The following MAN1C1 variants were observed in gnomAD, a reference collection of about 807,000 sequenced individuals.
MAN1C1 encodes the protein mannosyl-oligosaccharide 1,2-alpha-mannosidase IC.
MAN1C1 carries 49 observed loss-of-function variants against 71.5 expected under a neutral mutation model. The observed-to-expected ratio is 0.69, with a 90% CI of 0.54 to 0.87. The LOEUF is 0.87. MAN1C1 is among the 40% of genes least tolerant of loss of function. The probability of loss-of-function intolerance (pLI) is 0.00; values close to 1 mark genes in which losing one functional copy is unlikely to be tolerated. For missense variants in MAN1C1, 743 were observed against 835.0 expected (o/e 0.89, Z 1.36); for synonymous variants, 352 against 343.7 (o/e 1.02, Z -0.27).
intron 2 of MAN1C1, among the ~76,000 whole-genome samples, chr1:25,737,878 T>A (rs1415983825): frequency 6.6e-6 from 1 of 151,424 alleles, no homozygotes; most frequent in African/African-American, 2.4e-5. Flanking sequence ...CGCCAGGGAG[T>A]CTGAGGAGCT....
chr1:25,626,875 G>T (rs1486434959), intron 1 of MAN1C1, among the ~76,000 whole-genome samples: 4 of 152,144 alleles, frequency 2.6e-5, no homozygotes, highest in Admixed American at 2.6e-4. Context: ...TCAAAGAGCA[G>T]AAGTTTTAAT....
rs147551719 is a variant in MAN1C1, at chr1:25,688,062, A to T, written c.637+1526A>T. ...GTATGGATATGCCATAATTCATTTA[A>T]CTATCTTGCTAATGTTGGGTAAAGA... On this transcript the variant is annotated intron_variant, in intron 2 of 11. Coordinates refer to ENST00000374332, the MANE Select transcript of MAN1C1 (RefSeq NM_020379.4). Among the ~76,000 whole-genome samples, 662 of 152,300 alleles carry T rather than the reference A, an allele frequency of 4.3e-3. 7 individuals are homozygous for T. Among genetic ancestry groups the T allele is most frequent in the African/African-American group, 0.015 (625 of 41,542 alleles).
At chr1:25,718,306 T>TTCA (rs1399681110) in intron 2 of MAN1C1, among the ~76,000 whole-genome samples, 2 of 152,192 alleles carry the variant, frequency 1.3e-5, no homozygotes, top group African/African-American at 4.8e-5. Flanking sequence ...GTACGTCAGC[T>TTCA]TCATCCTCTT....
chr1:25,705,990 A>T (rs2046516536), intron 2 of MAN1C1, among the ~76,000 whole-genome samples: 1 of 152,232 alleles, frequency 6.6e-6, no homozygotes, highest in African/African-American at 2.4e-5. Context: ...ACATGATTCT[A>T]TACAGAAATA....
chr1:25,650,625 C>A (rs1327824129), intron 1 of MAN1C1, among the ~76,000 whole-genome samples: 1 of 152,206 alleles, frequency 6.6e-6, no homozygotes, highest in Non-Finnish European at 1.5e-5. Context: ...GGGCTTTTAA[C>A]AATAGTAAAT....
At chr1:25,669,671 T>C (rs1358601060) in intron 1 of MAN1C1, among the ~76,000 whole-genome samples, 2 of 152,104 alleles carry the variant, frequency 1.3e-5, no homozygotes, top group Non-Finnish European at 2.9e-5. Flanking sequence ...TCCCAGCTAC[T>C]AGGGAGGCTG....
intron 2 of MAN1C1, among the ~76,000 whole-genome samples, chr1:25,729,799 C>G (rs557159263): frequency 1.2e-4 from 18 of 152,044 alleles, no homozygotes; most frequent in Non-Finnish European, 2.5e-4. Flanking sequence ...CATGAGCCCC[C>G]GTGCCTGGCC....
rs61386117 is a variant in MAN1C1 at position 25,644,518 on chromosome 1, A to ATATTTTT, written c.540+26182_540+26183insATTTTTT. 1.3e-3 allele frequency: 53 copies of ATATTTTT among 40,294 alleles called. 2 individuals carry two copies. Among genetic ancestry groups the ATATTTTT allele is most frequent in the East Asian group, 6.7e-3 (6 of 902 alleles). The allele number at this position is 40,294 out of a possible 1,614,324, so 2.5% of individuals were successfully genotyped here. On this transcript the variant is annotated intron_variant, in intron 1 of 11. Transcript: ENST00000374332. ...GAGACATATATATATATATATATAT[A>ATATTTTT]TTTTTTTTTTTTTTTTTTTTTTTTT...
chr1:25,767,379 CCA>C (rs143706023), intron 7 of MAN1C1, among the ~76,000 whole-genome samples: 2,346 of 37,408 alleles, frequency 0.063, 157 homozygotes, highest in African/African-American at 0.1. Flanking sequence ...CGTCCACACT[CCA>C]CACACACACA....
chr1:25,714,477 A>G (rs773089890), intron 2 of MAN1C1, among the ~76,000 whole-genome samples: 11 of 152,166 alleles, frequency 7.2e-5, no homozygotes, highest in Non-Finnish European at 1.5e-4. Context: ...TTCTTTACCA[A>G]CCCTGGTAAA....
chr1:25,642,563 C>T (rs2045552184), intron 1 of MAN1C1, among the ~76,000 whole-genome samples: 1 of 152,212 alleles, frequency 6.6e-6, no homozygotes, highest in South Asian at 2.1e-4. Flanking sequence ...CCTTGGAGAG[C>T]TCTGTTTCTA....
At chr1:25,647,804 T>A (rs2045636654) in intron 1 of MAN1C1, among the ~76,000 whole-genome samples, 1 of 152,020 alleles carries the variant, frequency 6.6e-6, no homozygotes, top group Admixed American at 6.6e-5. Context: ...TGGAATGGGA[T>A]ATGTGTGAGT....
At chr1:25,659,301 C>T (rs987888068) in intron 1 of MAN1C1, among the ~76,000 whole-genome samples, 2 of 152,202 alleles carry the variant, frequency 1.3e-5, no homozygotes, top group African/African-American at 2.4e-5. Flanking sequence ...GCTCTGCCCC[C>T]GACCCTTACG....
intron 1 of MAN1C1, among the ~76,000 whole-genome samples, chr1:25,676,785 C>T (rs1346065829): frequency 6.6e-6 from 1 of 152,172 alleles, no homozygotes; most frequent in Non-Finnish European, 1.5e-5. Context: ...GGGTCACTGC[C>T]AGAGCCAGCC....
chr1:25,687,946 T>A (rs2046257534), intron 2 of MAN1C1, among the ~76,000 whole-genome samples: 1 of 152,226 alleles, frequency 6.6e-6, no homozygotes, highest in South Asian at 2.1e-4. Context: ...TTTTATGTCC[T>A]TTCTGCTTTT....
intron 2 of MAN1C1, among the ~76,000 whole-genome samples, chr1:25,745,525 TAAAAA>T (rs2047116617): frequency 6.6e-6 from 1 of 151,944 alleles, no homozygotes; most frequent in South Asian, 2.1e-4. Flanking sequence ...GCAATTTACT[TAAAAA>T]GAAAGAAAGA....
Position 25,634,499 on chromosome 1 carries a change from A to G in MAN1C1, c.540+16162A>G, listed in dbSNP as rs1375420436. On this transcript the variant is annotated intron_variant, in intron 1 of 11. Transcript: ENST00000374332. This position sits in a 1 kb window ranked among gnomAD's most constrained non-coding sequence, Gnocchi z 4.6. ...ATTATATTGTTTTCCTCTTTAATTCAGTCAATACAGTGAATTATATTTTTA... is the reference window on the plus strand; with the variant it reads ...ATTATATTGTTTTCCTCTTTAATTCGGTCAATACAGTGAATTATATTTTTA... Among the ~76,000 whole-genome samples, 1 of 152,144 alleles carries G rather than the reference A, an allele frequency of 6.6e-6. No individual in the cohort carries two copies. The highest frequency in any genetic ancestry group is 1.9e-4 in the East Asian group (1 of 5,198).
chr1:25,724,463 A>G (rs1461068794), intron 2 of MAN1C1, among the ~76,000 whole-genome samples: 2 of 151,346 alleles, frequency 1.3e-5, no homozygotes, highest in Non-Finnish European at 3.0e-5. Context: ...GCTCTAGTTC[A>G]TATGTATTCC....
Position 25,727,678 on chromosome 1 carries a change from C to A in MAN1C1, c.638-18990C>A, listed in dbSNP as rs144703326. On this transcript the variant is annotated intron_variant, in intron 2 of 11. Coordinates refer to ENST00000374332, the MANE Select transcript of MAN1C1 (RefSeq NM_020379.4). ...CCTGTGTTGCTCAGGCCTTCCCCACCCTGTCCCCCTGTGGGGTCTCAGCCC... is the reference window on the plus strand; with the variant it reads ...CCTGTGTTGCTCAGGCCTTCCCCACACTGTCCCCCTGTGGGGTCTCAGCCC... Among the ~76,000 whole-genome samples, 97 of 152,378 alleles carry A rather than the reference C, an allele frequency of 6.4e-4. No homozygotes were observed. In the East Asian group the frequency reaches 0.012, roughly 18 times the overall value.
Sources: gnomAD v4.1 joint callset for allele counts (sites outside exome capture counted in the v4.1 genomes callset) on GRCh38, gnomAD v4.1.1 for gene constraint, Gnocchi (gnomAD v3.1) non-coding constraint, MANE v1.5 for transcripts, NCBI Gene and HGNC (gene_info 2026-07-23, HGNC 2026-07-21) for gene names.